Variants in PTPN23 observed in about 807,000 individuals in gnomAD.
PTPN23 encodes the protein protein tyrosine phosphatase non-receptor type 23, also known as tyrosine-protein phosphatase non-receptor type 23.
Under a neutral mutation model 156.3 loss-of-function variants are expected in PTPN23, and 72 were observed. That is an observed-to-expected ratio of 0.46 (90% CI 0.38 to 0.56). PTPN23 has a LOEUF of 0.56. Among genes scored for constraint, PTPN23 ranks in the 20% least tolerant of loss-of-function variants. PTPN23 has a pLI of 0.00. For synonymous variants in PTPN23, 957 were observed against 899.6 expected (o/e 1.06, Z -1.14); for missense variants, 1,974 against 2,171.5 (o/e 0.91, Z 1.81).
In PTPN23 at chr3:47,404,734, G is replaced by A. The variant is rs763078680; in HGVS notation, c.242G>A (p.Arg81Gln). 6 of 1,613,778 alleles carry A rather than the reference G, an allele frequency of 3.7e-6. No homozygotes were observed. The highest frequency in any genetic ancestry group is 5.1e-6 in the Non-Finnish European group (6 of 1,180,046). Residue 81 changes from arginine to glutamine, a missense_variant, in exon 3 of 25, where the codon CGG (arginine) becomes CAG (glutamine). Transcript: ENST00000265562. Reference protein sequence around the residue: ...YLGQLHYLQSRVPMGSGQEAA... With the variant: ...YLGQLHYLQSQVPMGSGQEAA... ...GGCCAGCTTCATTACCTGCAGAGTCGGGTCCCCATGGGCTCGGGCCAGGAG... is the reference window on the plus strand; with the variant it reads ...GGCCAGCTTCATTACCTGCAGAGTCAGGTCCCCATGGGCTCGGGCCAGGAG...
At chr3:47,384,464 A>AAG (rs1401874336) in intron 1 of PTPN23, among the ~76,000 whole-genome samples, 4 of 151,406 alleles carry the variant, frequency 2.6e-5, no homozygotes, top group African/African-American at 9.7e-5. Context: ...TCAAAAAAAA[A>AAG]AAAAAAAAAA....
In PTPN23 at chr3:47,410,613, T is replaced by A; in HGVS notation, c.2815T>A (p.Ser939Thr). ...KQPIPAQHHFSSGIPAGFPAP... is the reference protein window; with the variant it reads ...KQPIPAQHHFTSGIPAGFPAP... ...ACCCATCCCGGCACAGCACCACTTC[T>A]CTTCTGGGATCCCCGCAGGTTTTCC... is the stretch of plus-strand genomic sequence containing the variant. Residue 939 changes from serine to threonine, a missense_variant, in exon 20 of 25, where the codon TCT becomes ACT. Physicochemically the swap from Ser to Thr is moderately conservative, Grantham distance 58 (BLOSUM62 1). This residue lies in a region of PTPN23 where 731 missense variants were observed against 669.1 expected (regional missense o/e 1.09). Coordinates refer to ENST00000265562, the MANE Select transcript of PTPN23 (RefSeq NM_015466.4). The A allele has an allele frequency of 6.2e-7, 1 of 1,610,174 alleles. No homozygotes were observed. Among genetic ancestry groups the A allele is most frequent in the South Asian group, 1.1e-5 (1 of 90,880 alleles).
chr3:47,408,081 CT>C, intron 14 of PTPN23, 126 bp downstream of exon 14: 1 of 1,234,946 alleles, frequency 8.1e-7, no homozygotes, highest in Non-Finnish European at 1.1e-6. Context: ...CCAATGCTGC[CT>C]TCCCGCCTGG....
chr3:47,408,778 C>A lies in PTPN23; in HGVS notation c.1333C>A (p.Leu445Met). 2 of 1,585,562 alleles carry A rather than the reference C, an allele frequency of 1.3e-6. No individual in the cohort carries two copies. Among genetic ancestry groups the A allele is most frequent in the African/African-American group, 1.3e-5 (1 of 74,712 alleles). ...GCCTGTACAATCCACAACCCCAGTGCTGTCAGGTGTGTTCACGGATGTGGA... is the reference window on the plus strand; with the variant it reads ...GCCTGTACAATCCACAACCCCAGTGATGTCAGGTGTGTTCACGGATGTGGA... ...VRNLVQSMQV[L>M]SGVFTDVEAS... is the part of the protein sequence containing the mutation. The change falls in exon 16 of 25, where the codon CTG (leucine) becomes ATG (methionine). Residue 445 changes from leucine to methionine, a missense_variant and splice_region_variant. Around this residue, in one of 4 missense-constraint regions of PTPN23, gnomAD observed 726 missense variants for 929.5 expected, o/e 0.78. Transcript: ENST00000265562.
chr3:47,413,266 TG>T lies in PTPN23; in HGVS notation c.*84del. 8 of 1,517,920 alleles carry T rather than the reference TG, an allele frequency of 5.3e-6. No homozygotes were observed. Among genetic ancestry groups the T allele is most frequent in the Non-Finnish European group, 7.1e-6 (8 of 1,121,532 alleles). 94.0% of individuals were successfully genotyped at this position (1,517,920 alleles called of 1,614,324 possible). A position where few individuals can be genotyped will look rare whatever the true frequency, so the allele number is the denominator to read the frequency against. On this transcript the variant is annotated 3_prime_UTR_variant, in exon 25 of 25. Transcript: ENST00000265562. ...GCCCACACCCAGCAGAGCTTCTCAG[TG>T]GGCACAGTCTCTTACTCCCATTTCT...
rs202136731 is a variant in PTPN23, at chr3:47,409,632, G to C, written c.1950-23G>C. Reference sequence around the variant, plus strand: ...GGAGCCCAGCCCCATGGTTCACCTGGAGCTGGCCCTTCTGCCCACCAGGTG... The same window carrying C: ...GGAGCCCAGCCCCATGGTTCACCTGCAGCTGGCCCTTCTGCCCACCAGGTG... On this transcript the variant is annotated intron_variant, in intron 18 of 24. Coordinates refer to ENST00000265562, the MANE Select transcript of PTPN23 (RefSeq NM_015466.4). 2.8e-5 allele frequency: 45 copies of C among 1,612,570 alleles called. 1 individual carries two copies. In the South Asian group the frequency reaches 4.6e-4, roughly 17 times the overall value.
At chr3:47,408,736 A>C (rs764381389) in intron 15 of PTPN23, 40 bp from the exon 16 acceptor site, 4 of 1,549,812 alleles carry the variant, frequency 2.6e-6, no homozygotes, top group Admixed American at 3.8e-5. Context: ...GTGCCCGGTC[A>C]GCCTGCCTCA....
At position 47,404,664 on chromosome 3, in the gene PTPN23, G is replaced by T. The variant is rs755271471; in HGVS notation, c.172G>T (p.Val58Phe). 1 of 1,613,870 alleles carries T rather than the reference G, an allele frequency of 6.2e-7. No homozygotes were observed. Among genetic ancestry groups the T allele is most frequent in the Non-Finnish European group, 8.5e-7 (1 of 1,179,932 alleles). The part of the protein sequence containing the change: ...LELLRQNAVR[V>F]PRDFEGCSVL... The stretch of plus-strand genomic sequence containing the variant: ...TCCTGCCCCCCAGAATGCTGTCCGT[G>T]TCCCACGAGACTTTGAGGGCTGTAG... The change falls in exon 3 of 25, where the codon GTC (valine) becomes TTC (phenylalanine). Residue 58 changes from valine (V) to phenylalanine (F), a missense_variant. By Grantham distance (50) the Val-to-Phe change is conservative. Transcript: ENST00000265562.
At position 47,411,252 on chromosome 3, in the gene PTPN23, C is replaced by T. The variant is rs767617219; in HGVS notation, c.3454C>T (p.Arg1152Cys). 1.1e-5 allele frequency: 17 copies of T among 1,608,612 alleles called. No homozygotes were observed. In the African/African-American group the frequency reaches 1.1e-4, roughly 10 times the overall value. The change falls in exon 20 of 25, where the codon CGT (arginine) becomes TGT (cysteine). Residue 1152 changes from arginine (R) to cysteine (C), a missense_variant. By Grantham distance (180) the Arg-to-Cys change is radical. Around this residue, in one of 4 missense-constraint regions of PTPN23, gnomAD observed 731 missense variants for 669.1 expected, o/e 1.09. Coordinates refer to ENST00000265562, the MANE Select transcript of PTPN23 (RefSeq NM_015466.4). This position sits in a 1 kb window ranked among gnomAD's most constrained non-coding sequence, Gnocchi z 6.3. ...QPTKVDAAEG[R>C]RPQALRLIER... The stretch of plus-strand genomic sequence containing the variant: ...CACCAAGGTGGATGCAGCTGAGGGT[C>T]GTCGGCCGCAGGCCCTGCGGCTGAT...
In PTPN23 at chr3:47,411,104, A is replaced by G. The variant is rs916657877; in HGVS notation, c.3306A>G (p.Pro1102=). The G allele has an allele frequency of 2.4e-5, 39 of 1,604,394 alleles. No homozygotes were observed. In the East Asian group the frequency reaches 8.8e-4, roughly 36 times the overall value. The change falls in exon 20 of 25, where the codon CCA becomes CCG. Residue 1102 remains proline (P), a synonymous_variant. Coordinates refer to ENST00000265562, the MANE Select transcript of PTPN23 (RefSeq NM_015466.4). The surrounding 1 kb of genome is among the most constrained non-coding windows in gnomAD (Gnocchi z 6.3). ...PGPGPVPPRP[P]AAEPPPCLRR... ...CTGGTCCGGTACCCCCTCGCCCCCC[A>G]GCAGCAGAACCACCCCCTTGCCTGC... is the stretch of plus-strand genomic sequence containing the variant.
Position 47,412,201 on chromosome 3 carries a change from A to G in PTPN23, c.4178+3A>G, listed in dbSNP as rs1559530585. The G allele has an allele frequency of 6.2e-7, 1 of 1,613,246 alleles. No homozygotes were observed. Among genetic ancestry groups the G allele is most frequent in the South Asian group, 1.1e-5 (1 of 91,084 alleles). On this transcript the variant is annotated splice_donor_region_variant and intron_variant, in intron 22 of 24. Transcript: ENST00000265562. ...ACGCCCATCATTGTGCACTGCAGGT[A>G]GAGGGTGGGCCTGAGGGTCTCTCCT...
chr3:47,386,610 G>C (rs1413498182), intron 1 of PTPN23, among the ~76,000 whole-genome samples: 3 of 152,140 alleles, frequency 2.0e-5, no homozygotes, highest in African/African-American at 7.2e-5. Context: ...GCTTGCACAT[G>C]TATGTACATA....
In PTPN23 at chr3:47,410,405, AGGCCCCGAGTT is replaced by A; in HGVS notation, c.2612_2622del (p.Pro871HisfsTer12). 1 of 1,611,584 alleles carries A rather than the reference AGGCCCCGAGTT, an allele frequency of 6.2e-7. No homozygotes were observed. The highest frequency in any genetic ancestry group is 8.5e-7 in the Non-Finnish European group (1 of 1,179,216). On this transcript the variant is annotated frameshift_variant, in exon 20 of 25. Transcript: ENST00000265562. LOFTEE classifies it high-confidence loss of function. ...CCTCGGCCCCACCTCCTCAATTCTCAGGCCCCGAGTTGGCCATGGCGGTTCGGCCAGCCACC... is the reference window on the plus strand; with the variant it reads ...CCTCGGCCCCACCTCCTCAATTCTCAGGCCATGGCGGTTCGGCCAGCCACC...
chr3:47,412,243 TAGCCTCATACCCC>T (rs1245794562), intron 22 of PTPN23, 27 bp from the exon 23 acceptor site: 28 of 1,613,116 alleles, frequency 1.7e-5, no homozygotes, highest in Non-Finnish European at 2.4e-5. Flanking sequence ...GCTCTTGGCC[TAGCCTCATACCCC>T]GGCCTCATAA....
In PTPN23 at chr3:47,407,557, G is replaced by T. The variant is rs1459096154; in HGVS notation, c.976G>T (p.Ala326Ser). 2 of 1,613,834 alleles carry T rather than the reference G, an allele frequency of 1.2e-6. No homozygotes were observed. Among genetic ancestry groups the T allele is most frequent in the Non-Finnish European group, 1.7e-6 (2 of 1,179,882 alleles). Residue 326 changes from alanine (A) to serine (S), a missense_variant, in exon 12 of 25, where the codon GCA becomes TCA. Ala to Ser is a moderately conservative substitution (Grantham distance 99). Around this residue, in one of 4 missense-constraint regions of PTPN23, gnomAD observed 726 missense variants for 929.5 expected, o/e 0.78. Coordinates refer to ENST00000265562, the MANE Select transcript of PTPN23 (RefSeq NM_015466.4). This position sits in a 1 kb window ranked among gnomAD's most constrained non-coding sequence, Gnocchi z 4.0. ...NDFIYHEAVP[A>S]LDTLQPVKGA... Reference sequence around the variant, plus strand: ...CTTCATTTACCATGAGGCTGTCCCAGCATTGGACACTCTTCAGCCTGTAAA... The same window carrying T: ...CTTCATTTACCATGAGGCTGTCCCATCATTGGACACTCTTCAGCCTGTAAA...
Position 47,409,662 on chromosome 3 carries a change from T to A in PTPN23, c.1957T>A (p.Ser653Thr). The A allele has an allele frequency of 6.2e-7, 1 of 1,612,190 alleles. No individual in the cohort carries two copies. Among genetic ancestry groups the A allele is most frequent in the East Asian group, 2.2e-5 (1 of 44,874 alleles). The change falls in exon 19 of 25, where the codon TCC (serine) becomes ACC (threonine). Residue 653 changes from serine to threonine, a missense_variant. By Grantham distance (58) the Ser-to-Thr change is moderately conservative. This residue lies in a region of PTPN23 where 726 missense variants were observed against 929.5 expected (regional missense o/e 0.78). Transcript: ENST00000265562. The part of the protein sequence containing the change: ...VLSDLDQKWN[S>T]TLQTLVASYE... ...GGCCCTTCTGCCCACCAGGTGGAAC[T>A]CCACGCTGCAGACCCTGGTGGCCTC...
At chr3:47,395,837 A>G (rs1038230260) in intron 1 of PTPN23, among the ~76,000 whole-genome samples, 1 of 152,114 alleles carries the variant, frequency 6.6e-6, no homozygotes, top group Non-Finnish European at 1.5e-5. Context: ...CCTTTCTGGA[A>G]TCCTTATTAG....
rs755715904 is a variant in PTPN23, at chr3:47,404,784, G to C, written c.287+5G>C. 1 of 1,613,322 alleles carries C rather than the reference G, an allele frequency of 6.2e-7. No individual in the cohort carries two copies. The highest frequency in any genetic ancestry group is 1.1e-5 in the South Asian group (1 of 91,006). On this transcript the variant is annotated splice_donor_5th_base_variant and intron_variant, in intron 3 of 24. Coordinates refer to ENST00000265562, the MANE Select transcript of PTPN23 (RefSeq NM_015466.4). ...GGCCGCTGTCCCTGTCACCTGGTGA[G>C]AGCCGCAGGCAGGGCTGGAGGATCC...
At chr3:47,400,990 C>A (rs1469949322) in intron 2 of PTPN23, among the ~76,000 whole-genome samples, 1 of 151,632 alleles carries the variant, frequency 6.6e-6, no homozygotes, top group Non-Finnish European at 1.5e-5. Flanking sequence ...GCAAGCTCCG[C>A]CTCCCGGGTT....
Sources: allele counts gnomAD v4.1 joint callset (sites outside exome capture counted in the v4.1 genomes callset), GRCh38; gene constraint gnomAD v4.1.1; regional missense constraint gnomAD v4.1.1; non-coding constraint Gnocchi (gnomAD v3.1); transcripts MANE v1.5; gene names NCBI Gene and HGNC (gene_info 2026-07-23, HGNC 2026-07-21).